The following PLOD2 variants were observed in gnomAD, a reference collection of about 807,000 sequenced individuals.
PLOD2 encodes lysine hydroxylase 2.
In PLOD2, 65 loss-of-function variants were observed where a neutral mutation model predicts 101.0. The ratio of observed to expected loss-of-function variants is 0.64; its 90% CI spans 0.53 to 0.79. The LOEUF is 0.79. PLOD2 is among the 30% of genes least tolerant of loss of function. The probability of loss-of-function intolerance (pLI) is 0.00; values close to 1 mark genes in which losing one functional copy is unlikely to be tolerated. For missense variants in PLOD2, 909 were observed against 914.6 expected (o/e 0.99, Z 0.08); for synonymous variants, 314 against 302.9 (o/e 1.04, Z -0.38).
intron 7 of PLOD2, among the ~76,000 whole-genome samples, chr3:146,093,567 A>G (rs143051014): frequency 7.0e-4 from 107 of 152,338 alleles, no homozygotes; most frequent in African/African-American, 2.3e-3. Flanking sequence ...TCCCCTATTT[A>G]GCATTATTTC....
At chr3:146,148,705 A>G (rs975379533) in intron 1 of PLOD2, among the ~76,000 whole-genome samples, 1 of 152,224 alleles carries the variant, frequency 6.6e-6, no homozygotes, top group Admixed American at 6.5e-5. Context: ...AATTTATCAG[A>G]AATACCAAGT....
At chr3:146,128,508 C>T (rs2030714964) in intron 1 of PLOD2, among the ~76,000 whole-genome samples, 1 of 152,090 alleles carries the variant, frequency 6.6e-6, no homozygotes, top group South Asian at 2.1e-4. Context: ...ACTATGTAAT[C>T]ATCTTTACAT....
Position 146,106,542 on chromosome 3 carries a change from G to A in PLOD2, c.605C>T (p.Pro202Leu), listed in dbSNP as rs775484745. Residue 202 changes from proline (P) to leucine (L), a missense_variant, in exon 5 of 20, where the codon CCA (proline) becomes CTA (leucine). Pro to Leu is a moderately conservative substitution (Grantham distance 98, BLOSUM62 -3). Transcript: ENST00000282903. ...QLFYTKVYID[P>L]LKREAINITL... The stretch of plus-strand genomic sequence containing the variant: ...GCAGCTGTTACACACCCTTTTCAGT[G>A]GATCAATGTAAACTTTAGTGTAAAA... 8 of 1,477,956 alleles carry A rather than the reference G, an allele frequency of 5.4e-6. No individual in the cohort carries two copies. The highest frequency in any genetic ancestry group is 1.7e-5 in the Admixed American group (1 of 59,870). The allele number at this position is 1,477,956 out of a possible 1,614,324, so 91.6% of individuals were successfully genotyped here.
intron 8 of PLOD2, 84 bp downstream of exon 8, chr3:146,091,716 T>G (rs1936973987): frequency 2.6e-6 from 2 of 772,198 alleles, no homozygotes; most frequent in Non-Finnish European, 4.6e-6. Flanking sequence ...TATAAAATAA[T>G]TTGCCTTTTT....
At chr3:146,118,464 C>A (rs1938023375) in intron 3 of PLOD2, among the ~76,000 whole-genome samples, 1 of 128,608 alleles carries the variant, frequency 7.8e-6, no homozygotes, top group African/African-American at 2.6e-5. Flanking sequence ...TATACTAATG[C>A]ATAAAAATAT....
chr3:146,149,707 G>A (rs2031967895), intron 1 of PLOD2, among the ~76,000 whole-genome samples: 1 of 151,874 alleles, frequency 6.6e-6, no homozygotes, highest in Non-Finnish European at 1.5e-5. Flanking sequence ...CTCAGCTACT[G>A]GTATTTATTT....
chr3:146,133,118 G>C (rs1006797046), intron 1 of PLOD2, among the ~76,000 whole-genome samples: 3 of 152,166 alleles, frequency 2.0e-5, no homozygotes, highest in Non-Finnish European at 4.4e-5. Context: ...GGAGCTTGCA[G>C]TGAGCGGAGA....
chr3:146,101,622 G>C (rs1057461688), intron 7 of PLOD2, among the ~76,000 whole-genome samples: 2 of 152,228 alleles, frequency 1.3e-5, no homozygotes, highest in Non-Finnish European at 2.9e-5. Flanking sequence ...GTGGAGTAGT[G>C]ACAGCGAGTT....
chr3:146,108,386 G>A lies in PLOD2; in HGVS notation c.503-1742C>T, dbSNP rs375427663. On this transcript the variant is annotated intron_variant, in intron 4 of 19. Coordinates refer to ENST00000282903, the MANE Select transcript of PLOD2 (RefSeq NM_182943.3). The stretch of plus-strand genomic sequence containing the variant: ...TTTAGTAGAAATGGGATTTCCCTAC[G>A]TTGCACAGCCTGGCCTGAACACCTG... Among the ~76,000 whole-genome samples, 17 of 152,052 alleles carry A rather than the reference G, an allele frequency of 1.1e-4. 1 individual carries two copies. The East Asian group carries it at 1.9e-3, about 17-fold the overall frequency.
intron 6 of PLOD2, 111 bp downstream of exon 6, chr3:146,104,165 ATTT>A: frequency 1.3e-6 from 1 of 755,334 alleles, no homozygotes; most frequent in East Asian, 2.4e-5. Context: ...TAATTACAAT[ATTT>A]ACACTGTCGA....
At chr3:146,099,942 G>T (rs1398867151) in intron 7 of PLOD2, among the ~76,000 whole-genome samples, 2 of 150,324 alleles carry the variant, frequency 1.3e-5, no homozygotes, top group African/African-American at 4.9e-5. Flanking sequence ...GAGAGTAATG[G>T]CGTGATCTTG....
At chr3:146,131,951 G>A (rs1245302649) in intron 1 of PLOD2, among the ~76,000 whole-genome samples, 3 of 151,844 alleles carry the variant, frequency 2.0e-5, no homozygotes, top group African/African-American at 7.3e-5. Context: ...ACCTAAAAAG[G>A]ATGTGTCAAG....
chr3:146,159,187 C>T (rs1411185260), intron 1 of PLOD2, among the ~76,000 whole-genome samples: 1 of 152,184 alleles, frequency 6.6e-6, no homozygotes, highest in Non-Finnish European at 1.5e-5. Context: ...ATTCTCCATG[C>T]CTGCTTACCA....
intron 4 of PLOD2, among the ~76,000 whole-genome samples, chr3:146,106,939 G>T (rs1937544884): frequency 6.6e-6 from 1 of 152,156 alleles, no homozygotes; most frequent in East Asian, 1.9e-4. Flanking sequence ...TGTTTTCCAA[G>T]GCTCCTAAGG....
At chr3:146,155,309 G>A (rs2032246451) in intron 1 of PLOD2, among the ~76,000 whole-genome samples, 1 of 147,924 alleles carries the variant, frequency 6.8e-6, no homozygotes, top group Non-Finnish European at 1.5e-5. Context: ...GACCTACAGA[G>A]TGAGACCCTG....
intron 10 of PLOD2, 110 bp downstream of exon 10, chr3:146,086,677 T>C: frequency 1.4e-6 from 1 of 696,740 alleles, no homozygotes; most frequent in Non-Finnish European, 2.3e-6. Flanking sequence ...CGCAAACAAA[T>C]AGTTTGAGAC....
intron 1 of PLOD2, among the ~76,000 whole-genome samples, chr3:146,126,392 T>G (rs1185094198): frequency 6.6e-6 from 1 of 152,216 alleles, no homozygotes; most frequent in African/African-American, 2.4e-5. Context: ...CACATGCTTT[T>G]TTTTAACCAA....
At chr3:146,119,831 C>A (rs1005082123) in intron 3 of PLOD2, among the ~76,000 whole-genome samples, 8 of 152,136 alleles carry the variant, frequency 5.3e-5, no homozygotes, top group African/African-American at 1.9e-4. Context: ...TTTTCTTAAT[C>A]CAGTCTATCA....
chr3:146,092,661 G>A (rs1470920863), intron 7 of PLOD2, among the ~76,000 whole-genome samples: 1 of 151,858 alleles, frequency 6.6e-6, no homozygotes, highest in African/African-American at 2.4e-5. Flanking sequence ...CATTTTAACT[G>A]TAAAAAAAAA....
Sources: gnomAD v4.1 joint callset for allele counts (sites outside exome capture counted in the v4.1 genomes callset) on GRCh38, gnomAD v4.1.1 for gene constraint, MANE v1.5 for transcripts, NCBI Gene and HGNC (gene_info 2026-07-23, HGNC 2026-07-21) for gene names.